The following NFAT5 variants were observed in gnomAD, a reference collection of about 807,000 sequenced individuals.
NFAT5 encodes the protein nuclear factor of activated T cells 5.
A neutral mutation model predicts 166.5 loss-of-function variants in NFAT5; 31 were observed. The observed-to-expected ratio is 0.19, with a 90% CI of 0.14 to 0.25. The LOEUF is 0.25. Ranked by LOEUF, NFAT5 falls within the 10% of genes least tolerant of loss-of-function variation. The pLI is 1.00. For synonymous variants in NFAT5, 612 were observed against 639.7 expected, an observed-to-expected ratio of 0.96 and a Z score of 0.65; for missense variants, 1,449 against 1,821.8, an observed-to-expected ratio of 0.80 and a Z score of 3.72.
chr16:69,645,572 C>A (rs2035404409), intron 3 of NFAT5, among the ~76,000 whole-genome samples: 2 of 151,978 alleles, frequency 1.3e-5, no homozygotes, highest in African/African-American at 4.8e-5. Flanking sequence ...AGATCTTTGG[C>A]ACTTGGCTTT....
At chr16:69,686,321 C>T (rs2037301564) in intron 11 of NFAT5, among the ~76,000 whole-genome samples, 1 of 151,938 alleles carries the variant, frequency 6.6e-6, no homozygotes, top group African/African-American at 2.4e-5. Flanking sequence ...CCACTGCTCT[C>T]CAGCCTGGGC....
chr16:69,693,881 C>T lies in NFAT5; in HGVS notation c.4056C>T (p.Ser1352=). 6.2e-7 allele frequency: 1 copy of T among 1,614,204 alleles called. No homozygotes were observed. The highest frequency in any genetic ancestry group is 8.5e-7 in the Non-Finnish European group (1 of 1,180,032). ...PMQFQSQSTV[S]SLQNPGPTQS... is the part of the protein sequence containing the mutation. ...AATTTCAGAGTCAGTCCACAGTTTC[C>T]TCACTTCAGAACCCAGGTCCTACCC... is the stretch of plus-strand genomic sequence containing the variant. The change falls in exon 13 of 15, where the codon TCC becomes TCT. Residue 1352 remains serine, a synonymous_variant. Transcript: ENST00000349945.
At chr16:69,587,669 A>G (rs1395110266) in intron 2 of NFAT5, among the ~76,000 whole-genome samples, 2 of 152,242 alleles carry the variant, frequency 1.3e-5, no homozygotes, top group Middle Eastern at 3.4e-3. Flanking sequence ...GATTATAGGC[A>G]TGAGCCACTG....
At chr16:69,687,228 G>A (rs2151707845) in intron 11 of NFAT5, among the ~76,000 whole-genome samples, 1 of 152,134 alleles carries the variant, frequency 6.6e-6, no homozygotes, top group Non-Finnish European at 1.5e-5. Context: ...ATCACCTGAG[G>A]TCAGGAGTTT....
chr16:69,666,924 G>C (rs1483110821), intron 7 of NFAT5, among the ~76,000 whole-genome samples: 1 of 151,798 alleles, frequency 6.6e-6, no homozygotes, highest in Non-Finnish European at 1.5e-5. Context: ...AACCAACCCA[G>C]ATGTCCAACA....
At chr16:69,622,059 G>T (rs2034226098) in intron 2 of NFAT5, among the ~76,000 whole-genome samples, 2 of 152,134 alleles carry the variant, frequency 1.3e-5, no homozygotes, top group South Asian at 4.1e-4. Flanking sequence ...ATTTAATTTA[G>T]ATTGAATTTA....
chr16:69,575,471 T>G (rs556374936), intron 2 of NFAT5, among the ~76,000 whole-genome samples: 8 of 152,144 alleles, frequency 5.3e-5, no homozygotes, highest in African/African-American at 1.7e-4. Flanking sequence ...CCTGGCTGAT[T>G]ATGCTTATCT....
chr16:69,641,750 T>G (rs2035224508), intron 3 of NFAT5, among the ~76,000 whole-genome samples: 1 of 152,268 alleles, frequency 6.6e-6, no homozygotes, highest in African/African-American at 2.4e-5. Flanking sequence ...AAAATACAGT[T>G]TAAGCAAGGA....
chr16:69,617,461 T>C (rs1460581020), intron 2 of NFAT5, among the ~76,000 whole-genome samples: 1 of 151,934 alleles, frequency 6.6e-6, no homozygotes, highest in African/African-American at 2.4e-5. Flanking sequence ...CTGTCTTTCA[T>C]GCTAAGAGGT....
Position 69,695,163 on chromosome 16 carries a change from C to T in NFAT5, c.4442C>T (p.Pro1481Leu). Residue 1481 changes from proline to leucine, a missense_variant, in exon 14 of 15, where the codon CCA (proline) becomes CTA (leucine). By Grantham distance (98) the Pro-to-Leu change is moderately conservative. This residue lies in a region of NFAT5 where 891 missense variants were observed against 993.0 expected (regional missense o/e 0.90). Coordinates refer to ENST00000349945, the MANE Select transcript of NFAT5 (RefSeq NM_138713.4). ...NNCSQLLTSG[P>L]ATLPDQLMAI... ...TGTAGTCAGCTTTTAACCTCTGGAC[C>T]AGCTACATTGCCTGATCAGTTGATG... 6.2e-7 allele frequency: 1 copy of T among 1,614,132 alleles called. No homozygotes were observed. The highest frequency in any genetic ancestry group is 8.5e-7 in the Non-Finnish European group (1 of 1,180,022).
intron 2 of NFAT5, among the ~76,000 whole-genome samples, chr16:69,597,675 T>C (rs891414982): frequency 6.6e-6 from 1 of 151,598 alleles, no homozygotes; most frequent in Non-Finnish European, 1.5e-5. Flanking sequence ...CACCGCAAGC[T>C]CTGCCTCCTG....
In NFAT5 at chr16:69,626,386, C is replaced by G. The variant is rs374749928; in HGVS notation, c.128-17C>G. The G allele has an allele frequency of 1.9e-6, 3 of 1,552,594 alleles. No individual in the cohort carries two copies. The highest frequency in any genetic ancestry group is 2.6e-6 in the Non-Finnish European group (3 of 1,156,414). On this transcript the variant is annotated splice_polypyrimidine_tract_variant and intron_variant, in intron 2 of 14. Transcript: ENST00000349945. ...TCTTTTAAAAATTGTTTTCTCCTCT[C>G]TTTCCCCTCCCCACAGAATCTGTCT...
chr16:69,609,520 T>G lies in NFAT5; in HGVS notation c.128-16883T>G, dbSNP rs114814267. ...GTACGGAAAGTAAGGGAAACAAAGT[T>G]AAAATGGAAAAAATTGAATTAAGAG... is the stretch of plus-strand genomic sequence containing the variant. On this transcript the variant is annotated intron_variant, in intron 2 of 14. Coordinates refer to ENST00000349945, the MANE Select transcript of NFAT5 (RefSeq NM_138713.4). Among the ~76,000 whole-genome samples, 772 of 152,268 alleles carry G rather than the reference T, an allele frequency of 5.1e-3. 3 individuals are homozygous for G. Among genetic ancestry groups the G allele is most frequent in the African/African-American group, 0.018 (734 of 41,556 alleles).
intron 9 of NFAT5, among the ~76,000 whole-genome samples, chr16:69,671,030 T>G (rs1056473872): frequency 6.6e-6 from 1 of 152,206 alleles, no homozygotes; most frequent in Non-Finnish European, 1.5e-5. Context: ...ATGCAAAAAT[T>G]AGACAATCTA....
chr16:69,673,606 C>G (rs1198181726), intron 9 of NFAT5, among the ~76,000 whole-genome samples: 1 of 151,998 alleles, frequency 6.6e-6, no homozygotes, highest in East Asian at 1.9e-4. Flanking sequence ...GCATATAGTT[C>G]CAGCTACTTG....
chr16:69,641,277 C>CAAAAAAAAA (rs60281310), intron 3 of NFAT5, among the ~76,000 whole-genome samples: 2 of 72,882 alleles, frequency 2.7e-5, no homozygotes, highest in African/African-American at 5.3e-5. Flanking sequence ...GACTCCGTCT[C>CAAAAAAAAA]AAAAAAAAAA....
chr16:69,575,341 T>C (rs1245437210), intron 2 of NFAT5, among the ~76,000 whole-genome samples: 1 of 152,150 alleles, frequency 6.6e-6, no homozygotes, highest in Non-Finnish European at 1.5e-5. Context: ...CTAATTTTTG[T>C]GTTTTTAGTA....
chr16:69,627,323 CATATATATATATAT>C (rs10524659), intron 3 of NFAT5, among the ~76,000 whole-genome samples: 25 of 128,862 alleles, frequency 1.9e-4, no homozygotes, highest in South Asian at 5.1e-4. Context: ...AAAAAGGAAA[CATATATATATATAT>C]ATATATATAT....
At chr16:69,668,895 A>G (rs1310508677) in intron 7 of NFAT5, among the ~76,000 whole-genome samples, 1 of 151,938 alleles carries the variant, frequency 6.6e-6, no homozygotes, top group African/African-American at 2.4e-5. Flanking sequence ...CTGAATTTAT[A>G]TGCTACCAAT....
Sources: gnomAD v4.1 joint callset for allele counts (sites outside exome capture counted in the v4.1 genomes callset) on GRCh38, gnomAD v4.1.1 for gene constraint, gnomAD v4.1.1 regional missense constraint, MANE v1.5 for transcripts, NCBI Gene and HGNC (gene_info 2026-07-23, HGNC 2026-07-21) for gene names.